The following EPS8 variants were observed in gnomAD, a reference collection of about 807,000 sequenced individuals.
The protein encoded by EPS8 is EGFR pathway substrate 8, signaling adaptor, also known as epidermal growth factor receptor kinase substrate 8.
A neutral mutation model predicts 103.8 loss-of-function variants in EPS8; 42 were observed. The observed-to-expected ratio is 0.40, with a 90% CI of 0.32 to 0.52. The LOEUF (loss-of-function observed/expected upper bound fraction) is 0.52. Ranked by LOEUF, EPS8 falls within the 20% of genes least tolerant of loss-of-function variation. EPS8 has a pLI of 0.40. For missense variants in EPS8, 969 were observed against 1,005.1 expected (o/e 0.96, Z 0.49); for synonymous variants, 344 against 344.6 (o/e 1.00, Z 0.02).
intron 18 of EPS8, among the ~76,000 whole-genome samples, chr12:15,627,030 TCA>T (rs1944959190): frequency 6.6e-6 from 1 of 152,016 alleles, no homozygotes; most frequent in Non-Finnish European, 1.5e-5. Context: ...AGAAAGAGTC[TCA>T]CTCTGTTGCC....
At chr12:15,766,093 C>T (rs1177468851) in intron 1 of EPS8, among the ~76,000 whole-genome samples, 1 of 151,108 alleles carries the variant, frequency 6.6e-6, no homozygotes, top group African/African-American at 2.4e-5. Flanking sequence ...GGATTATAGG[C>T]GTGAGCCACC....
rs767147133 is a variant in EPS8 at position 15,749,545 on chromosome 12, C to G, written c.-22+39616G>C. On this transcript the variant is annotated intron_variant, in intron 1 of 20. Coordinates refer to ENST00000281172, the MANE Select transcript of EPS8 (RefSeq NM_004447.6). This position sits in a 1 kb window ranked among gnomAD's most constrained non-coding sequence, Gnocchi z 4.0. ...TAATCTCCTTACAAGAAAACACACG[C>G]CTTTTGTTTATCTTCTTCACTCTGG... Among the ~76,000 whole-genome samples, 1 of 152,142 alleles carries G rather than the reference C, an allele frequency of 6.6e-6. No homozygotes were observed. The highest frequency in any genetic ancestry group is 1.9e-4 in the East Asian group (1 of 5,196).
At chr12:15,740,481 G>GT (rs1439266468) in intron 1 of EPS8, among the ~76,000 whole-genome samples, 3 of 152,016 alleles carry the variant, frequency 2.0e-5, no homozygotes, top group African/African-American at 7.2e-5. Context: ...GAAGGCGTAG[G>GT]TTGCGGTGAA....
At position 15,771,447 on chromosome 12, in the gene EPS8, G is replaced by A. The variant is rs189763889; in HGVS notation, c.-22+17714C>T. On this transcript the variant is annotated intron_variant, in intron 1 of 20. Transcript: ENST00000281172. The surrounding 1 kb of genome is among the most constrained non-coding windows in gnomAD (Gnocchi z 4.6). ...CTGATCTGAAAGTAGTAATTAACAT[G>A]AATTGAAGTAGGACAGAGGCAGATA... Among the ~76,000 whole-genome samples, 1 of 152,284 alleles carries A rather than the reference G, an allele frequency of 6.6e-6. No individual in the cohort carries two copies. Among genetic ancestry groups the A allele is most frequent in the Non-Finnish European group, 1.5e-5 (1 of 68,028 alleles).
In EPS8 at chr12:15,757,558, A is replaced by C. The variant is rs1435584610; in HGVS notation, c.-22+31603T>G. Reference sequence around the variant, plus strand: ...GGCAGGAGAATCGCTTGAACCCAGGAGCCAGAAGTTGCAGTGAGTTGAGAT... The same window carrying C: ...GGCAGGAGAATCGCTTGAACCCAGGCGCCAGAAGTTGCAGTGAGTTGAGAT... On this transcript the variant is annotated intron_variant, in intron 1 of 20. Coordinates refer to ENST00000281172, the MANE Select transcript of EPS8 (RefSeq NM_004447.6). This position sits in a 1 kb window ranked among gnomAD's most constrained non-coding sequence, Gnocchi z 4.1. Among the ~76,000 whole-genome samples, 1 of 152,056 alleles carries C rather than the reference A, an allele frequency of 6.6e-6. No homozygotes were observed. The highest frequency in any genetic ancestry group is 1.5e-5 in the Non-Finnish European group (1 of 68,016).
chr12:15,661,888 A>T, intron 9 of EPS8, 138 bp downstream of exon 9: 1 of 613,342 alleles, frequency 1.6e-6, no homozygotes, highest in Non-Finnish European at 2.8e-6. Context: ...GCAAATTCAA[A>T]GGGCATAGCC....
chr12:15,682,746 G>A (rs1168817102), intron 2 of EPS8, 147 bp downstream of exon 2: 4 of 577,180 alleles, frequency 6.9e-6, no homozygotes, highest in African/African-American at 2.0e-5. Flanking sequence ...TTAATAACAT[G>A]TGTTGTAACA....
At chr12:15,660,794 C>A in intron 9 of EPS8, 54 bp from the exon 10 acceptor site, 1 of 1,051,864 alleles carries the variant, frequency 9.5e-7, no homozygotes, top group South Asian at 1.5e-5. Context: ...TTTACCTTAG[C>A]TGTACTCTGT....
chr12:15,701,632 A>T lies in EPS8; in HGVS notation c.-21-18660T>A, dbSNP rs1565507705. 6.6e-6 allele frequency among the ~76,000 whole-genome samples: 1 copy of T among 152,242 alleles called. No homozygotes were observed. The highest frequency in any genetic ancestry group is 1.5e-5 in the Non-Finnish European group (1 of 68,028). On this transcript the variant is annotated intron_variant, in intron 1 of 20. Transcript: ENST00000281172. This position sits in a 1 kb window ranked among gnomAD's most constrained non-coding sequence, Gnocchi z 5.1. ...ATATCAATAGGACTTTAGTACAAAT[A>T]ATACCAAGTCTTCAATCTGAAAGAA...
Position 15,736,364 on chromosome 12 carries a change from A to G in EPS8, c.-22+52797T>C, listed in dbSNP as rs1474624753. Among the ~76,000 whole-genome samples, 1 of 152,210 alleles carries G rather than the reference A, an allele frequency of 6.6e-6. No homozygotes were observed. Among genetic ancestry groups the G allele is most frequent in the African/African-American group, 2.4e-5 (1 of 41,460 alleles). On this transcript the variant is annotated intron_variant, in intron 1 of 20. Coordinates refer to ENST00000281172, the MANE Select transcript of EPS8 (RefSeq NM_004447.6). This position sits in a 1 kb window ranked among gnomAD's most constrained non-coding sequence, Gnocchi z 4.2. Reference sequence around the variant, plus strand: ...TAAGTTAACACTACGGAAATACTGAAGAGAATTTCATTCTTCTGTACAGAG... The same window carrying G: ...TAAGTTAACACTACGGAAATACTGAGGAGAATTTCATTCTTCTGTACAGAG...
chr12:15,752,070 T>C lies in EPS8; in HGVS notation c.-22+37091A>G, dbSNP rs1342578520. Among the ~76,000 whole-genome samples the C allele has an allele frequency of 6.6e-6, 1 of 152,184 alleles. No homozygotes were observed. The highest frequency in any genetic ancestry group is 1.9e-4 in the East Asian group (1 of 5,194). Reference sequence around the variant, plus strand: ...TCATACAAGCAAGACAGAAGGCCAGTTATCAGACTGAGACACAAAGTTAAT... The same window carrying C: ...TCATACAAGCAAGACAGAAGGCCAGCTATCAGACTGAGACACAAAGTTAAT... On this transcript the variant is annotated intron_variant, in intron 1 of 20. Coordinates refer to ENST00000281172, the MANE Select transcript of EPS8 (RefSeq NM_004447.6). This position sits in a 1 kb window ranked among gnomAD's most constrained non-coding sequence, Gnocchi z 4.4.
rs542911073 is a variant in EPS8, at chr12:15,622,718, T to C, written c.2355+440A>G. On this transcript the variant is annotated intron_variant, in intron 20 of 20. Coordinates refer to ENST00000281172, the MANE Select transcript of EPS8 (RefSeq NM_004447.6). Reference sequence around the variant, plus strand: ...TGTATCTTTCCCGATTATTGAGATGTATTACTAGACCTAACACACACAGCC... The same window carrying C: ...TGTATCTTTCCCGATTATTGAGATGCATTACTAGACCTAACACACACAGCC... 7.2e-5 allele frequency among the ~76,000 whole-genome samples: 11 copies of C among 152,066 alleles called. No individual in the cohort carries two copies. In the East Asian group the frequency reaches 2.1e-3, roughly 29 times the overall value.
In EPS8 at chr12:15,747,039, T is replaced by C. The variant is rs1946882674; in HGVS notation, c.-22+42122A>G. Among the ~76,000 whole-genome samples the C allele has an allele frequency of 6.6e-6, 1 of 152,168 alleles. No homozygotes were observed. The highest frequency in any genetic ancestry group is 2.4e-5 in the African/African-American group (1 of 41,430). Reference sequence around the variant, plus strand: ...TCTGATATTTTTAAATCCTCAACAGTCAATACATATTTTGTACGCAGGAAG... The same window carrying C: ...TCTGATATTTTTAAATCCTCAACAGCCAATACATATTTTGTACGCAGGAAG... On this transcript the variant is annotated intron_variant, in intron 1 of 20. Coordinates refer to ENST00000281172, the MANE Select transcript of EPS8 (RefSeq NM_004447.6). This position sits in a 1 kb window ranked among gnomAD's most constrained non-coding sequence, Gnocchi z 4.4.
At chr12:15,773,640 A>G (rs1311924302) in intron 1 of EPS8, among the ~76,000 whole-genome samples, 2 of 152,188 alleles carry the variant, frequency 1.3e-5, no homozygotes, top group Non-Finnish European at 1.5e-5. Context: ...AGAAAGAATA[A>G]TGTGATATTA....
intron 17 of EPS8, among the ~76,000 whole-genome samples, chr12:15,633,838 A>G (rs73309199): frequency 0.065 from 9,826 of 152,168 alleles, 635 homozygotes; most frequent in African/African-American, 0.17. Context: ...CAGCTCTTCC[A>G]TGGAAACTGG....
rs755775595 is a variant in EPS8 at position 15,641,740 on chromosome 12, T to C, written c.1659A>G (p.Leu553=). ...ATATTACCTCTAAAATATCATCCTT[T>C]AGAACCGAGAGCTCACTGTTGTTCC... is the stretch of plus-strand genomic sequence containing the variant. The part of the protein sequence containing the change: ...VARNNSELSV[L]KDDILEILDD... Residue 553 remains leucine (L), a synonymous_variant, in exon 16 of 21, where the codon CTA becomes CTG. Coordinates refer to ENST00000281172, the MANE Select transcript of EPS8 (RefSeq NM_004447.6). The C allele has an allele frequency of 1.9e-6, 3 of 1,567,218 alleles. No individual in the cohort carries two copies. The highest frequency in any genetic ancestry group is 1.7e-6 in the Non-Finnish European group (2 of 1,151,432).
intron 1 of EPS8, among the ~76,000 whole-genome samples, chr12:15,783,223 G>A (rs937052406): frequency 1.3e-5 from 2 of 151,990 alleles, no homozygotes; most frequent in Non-Finnish European, 2.9e-5. Flanking sequence ...ATACAGTACT[G>A]GATTTTCTCT....
rs545221405 is a variant in EPS8 at position 15,642,685 on chromosome 12, T to C, written c.1569-855A>G. On this transcript the variant is annotated intron_variant, in intron 15 of 20. Transcript: ENST00000281172. ...TCCTCCATTTACATTCCCACATTTA[T>C]TTACACATCTCTACAAGGGAAATAG... 3.9e-5 allele frequency among the ~76,000 whole-genome samples: 6 copies of C among 152,326 alleles called. No individual in the cohort carries two copies. In the East Asian group the frequency reaches 1.2e-3, roughly 29 times the overall value.
At chr12:15,726,633 T>C (rs143769297) in intron 1 of EPS8, among the ~76,000 whole-genome samples, 2 of 152,306 alleles carry the variant, frequency 1.3e-5, no homozygotes, top group African/African-American at 4.8e-5. Context: ...ATTAGTGATA[T>C]AGTGGGCACT....
Sources: allele counts gnomAD v4.1 joint callset (sites outside exome capture counted in the v4.1 genomes callset), GRCh38; gene constraint gnomAD v4.1.1; non-coding constraint Gnocchi (gnomAD v3.1); transcripts MANE v1.5; gene names NCBI Gene and HGNC (gene_info 2026-07-23, HGNC 2026-07-21).